The following PITPNB variants were observed in gnomAD, a reference collection of about 807,000 sequenced individuals.
PITPNB encodes the protein phosphatidylinositol transfer protein beta isoform.
A neutral mutation model predicts 45.9 loss-of-function variants in PITPNB; 16 were observed. The ratio of observed to expected loss-of-function variants is 0.35; its 90% CI spans 0.24 to 0.53. The LOEUF (loss-of-function observed/expected upper bound fraction) is 0.53, where lower values mean the gene tolerates loss of function less well. Ranked by LOEUF, PITPNB falls within the 20% of genes least tolerant of loss-of-function variation. The pLI is 0.93. For missense variants in PITPNB, 188 were observed against 330.5 expected (o/e 0.57, Z 3.34); for synonymous variants, 112 against 108.9 (o/e 1.03, Z -0.18).
rs778783874 is a variant in PITPNB, at chr22:27,911,019, A to C, written c.142T>G (p.Tyr48Asp). The C allele has an allele frequency of 6.2e-7, 1 of 1,611,144 alleles. No individual in the cohort carries two copies. Among genetic ancestry groups the C allele is most frequent in the South Asian group, 1.1e-5 (1 of 91,020 alleles). Residue 48 changes from tyrosine to aspartate, a missense_variant, in exon 3 of 12, where the codon TAT becomes GAT. By Grantham distance (160) the Tyr-to-Asp change is radical (BLOSUM62 -3). Transcript: ENST00000335272. ...EGIEVLKNEPYEKDGEKGQYT... is the reference protein window; with the variant it reads ...EGIEVLKNEPDEKDGEKGQYT... ...TGTCCCTTTTCTCCATCCTTCTCATAAGGTTCATTCTTTAAGACTTCAATT... is the reference window on the plus strand; with the variant it reads ...TGTCCCTTTTCTCCATCCTTCTCATCAGGTTCATTCTTTAAGACTTCAATT...
chr22:27,879,863 ATG>A (rs1934919806), intron 7 of PITPNB, among the ~76,000 whole-genome samples: 1 of 152,162 alleles, frequency 6.6e-6, no homozygotes, highest in Non-Finnish European at 1.5e-5. Flanking sequence ...CTCACTCTGA[ATG>A]TTAGTCCATG....
intron 7 of PITPNB, among the ~76,000 whole-genome samples, chr22:27,889,232 G>C (rs1357905012): frequency 6.6e-6 from 1 of 152,150 alleles, no homozygotes; most frequent in Non-Finnish European, 1.5e-5. Context: ...ATGCAAGGAG[G>C]CCTAGGTAGC....
intron 8 of PITPNB, among the ~76,000 whole-genome samples, chr22:27,870,592 T>C (rs191279749): frequency 1.9e-4 from 29 of 152,346 alleles, no homozygotes; most frequent in African/African-American, 6.5e-4. Context: ...ATAAGATTTC[T>C]TCTTCCTTTC....
At chr22:27,875,567 A>G (rs1345974185) in intron 7 of PITPNB, among the ~76,000 whole-genome samples, 1 of 152,244 alleles carries the variant, frequency 6.6e-6, no homozygotes, top group Non-Finnish European at 1.5e-5. Flanking sequence ...AACATAAATA[A>G]ACCTGTAACA....
chr22:27,916,784 C>A (rs1256725918), intron 1 of PITPNB, among the ~76,000 whole-genome samples: 9 of 151,740 alleles, frequency 5.9e-5, no homozygotes. Context: ...GCCTGGGCAA[C>A]AGAGACTCCG....
At chr22:27,905,036 G>C (rs1313757079) in intron 3 of PITPNB, among the ~76,000 whole-genome samples, 2 of 152,224 alleles carry the variant, frequency 1.3e-5, no homozygotes, top group African/African-American at 4.8e-5. Context: ...GGAAAACTCT[G>C]AACTGTGAAA....
At chr22:27,908,997 T>C (rs1449290959) in intron 3 of PITPNB, among the ~76,000 whole-genome samples, 1 of 152,170 alleles carries the variant, frequency 6.6e-6, no homozygotes, top group Non-Finnish European at 1.5e-5. Flanking sequence ...GTAAATCAAG[T>C]AGCAGAGTTA....
intron 3 of PITPNB, among the ~76,000 whole-genome samples, chr22:27,902,910 G>C (rs1288921031): frequency 1.3e-5 from 2 of 152,050 alleles, no homozygotes. Context: ...TTGTAAAGAT[G>C]GGGTCGCAGT....
chr22:27,917,237 G>A (rs963382460), intron 1 of PITPNB, among the ~76,000 whole-genome samples: 5 of 152,210 alleles, frequency 3.3e-5, no homozygotes, highest in African/African-American at 1.2e-4. Flanking sequence ...ATTCCCAATA[G>A]GAACTGCTTT....
chr22:27,894,338 C>CA (rs1259430016), intron 7 of PITPNB: 21 of 375,962 alleles, frequency 5.6e-5, no homozygotes, highest in Admixed American at 1.3e-4. Context: ...TGCACAAAGC[C>CA]AAAATCTACA....
At chr22:27,857,088 A>C (rs1175205631) in intron 10 of PITPNB, among the ~76,000 whole-genome samples, 5 of 152,190 alleles carry the variant, frequency 3.3e-5, no homozygotes, top group African/African-American at 1.2e-4. Flanking sequence ...TTGCCATCTC[A>C]TCACCCTATT....
intron 3 of PITPNB, among the ~76,000 whole-genome samples, chr22:27,903,972 T>TA (rs879295071): frequency 4.0e-5 from 6 of 151,806 alleles, no homozygotes; most frequent in Non-Finnish European, 7.4e-5. Context: ...ATGCTTGTAA[T>TA]AAAAAAGATA....
Position 27,902,136 on chromosome 22 carries a change from G to A in PITPNB, c.198-4244C>T, listed in dbSNP as rs559100565. Among the ~76,000 whole-genome samples the A allele has an allele frequency of 3.7e-3, 565 of 152,140 alleles. 4 individuals are homozygous for A. The highest frequency in any genetic ancestry group is 0.013 in the African/African-American group (523 of 41,480). On this transcript the variant is annotated intron_variant, in intron 3 of 11. Transcript: ENST00000335272. ...AGTGAAATTAAAGAACAGGGTACTG[G>A]GCAATCAGTAAGTGGAGCAAGGGTA...
intron 3 of PITPNB, 35 bp from the exon 4 acceptor site, chr22:27,897,927 C>T (rs4488766): frequency 6.6e-6 from 9 of 1,373,830 alleles, no homozygotes; most frequent in East Asian, 2.3e-5. Flanking sequence ...TATTTAACAG[C>T]ACCATCAATT....
Position 27,910,957 on chromosome 22 carries a change from C to T in PITPNB, c.197+7G>A, listed in dbSNP as rs763425793. 8 of 1,610,868 alleles carry T rather than the reference C, an allele frequency of 5.0e-6. No individual in the cohort carries two copies. The highest frequency in any genetic ancestry group is 1.6e-4 in the Middle Eastern group (1 of 6,074). ...GTTACAAGGCGTCAAATGTGAACAC[C>T]GCTTACCTCTTTAGGTGATAAATTT... On this transcript the variant is annotated splice_region_variant and intron_variant, in intron 3 of 11. Coordinates refer to ENST00000335272, the MANE Select transcript of PITPNB (RefSeq NM_012399.5).
intron 8 of PITPNB, among the ~76,000 whole-genome samples, chr22:27,862,822 A>T (rs917721768): frequency 6.6e-6 from 1 of 152,168 alleles, no homozygotes; most frequent in South Asian, 2.1e-4. Flanking sequence ...TGGTGTCAAT[A>T]TTCTCACCCC....
chr22:27,913,299 C>T (rs1359593943), intron 2 of PITPNB, among the ~76,000 whole-genome samples: 1 of 152,156 alleles, frequency 6.6e-6, no homozygotes, highest in East Asian at 1.9e-4. Context: ...TCCTGCATTT[C>T]TTTCTGTCTT....
At chr22:27,875,584 A>G (rs1934798477) in intron 7 of PITPNB, among the ~76,000 whole-genome samples, 1 of 152,248 alleles carries the variant, frequency 6.6e-6, no homozygotes, top group Non-Finnish European at 1.5e-5. Context: ...AACACCATAA[A>G]ACATTTTCTT....
intron 1 of PITPNB, among the ~76,000 whole-genome samples, chr22:27,918,590 A>C (rs1936157541): frequency 6.6e-6 from 1 of 152,184 alleles, no homozygotes; most frequent in African/African-American, 2.4e-5. Flanking sequence ...CAAAAAGAGA[A>C]AAGGCTCTCC....
Sources: gnomAD v4.1 joint callset for allele counts (sites outside exome capture counted in the v4.1 genomes callset) on GRCh38, gnomAD v4.1.1 for gene constraint, MANE v1.5 for transcripts, NCBI Gene and HGNC (gene_info 2026-07-23, HGNC 2026-07-21) for gene names.